RASSF3: variants seen among roughly 807,000 people sequenced by gnomAD.
The protein encoded by RASSF3 is Ras association domain family member 3, also known as ras association domain-containing protein 3.
In RASSF3, 19 loss-of-function variants were observed where a neutral mutation model predicts 19.9. That is an observed-to-expected ratio of 0.96 (90% CI 0.67 to 1.40). The LOEUF is 1.40. Ranked by LOEUF, RASSF3 falls within the 40% of genes most tolerant of loss-of-function variation. The pLI is 0.00. For synonymous variants in RASSF3, 110 were observed against 104.2 expected, an observed-to-expected ratio of 1.06 and a Z score of -0.34; for missense variants, 306 against 289.8, an observed-to-expected ratio of 1.06 and a Z score of -0.41.
At chr12:64,636,471 G>C (rs560858959) in intron 1 of RASSF3, among the ~76,000 whole-genome samples, 1 of 152,222 alleles carries the variant, frequency 6.6e-6, no homozygotes, top group Non-Finnish European at 1.5e-5. Context: ...ATTTGTTTCA[G>C]GGAGTGGTAA....
chr12:64,660,928 A>C (rs577857299), intron 1 of RASSF3, among the ~76,000 whole-genome samples: 47 of 152,158 alleles, frequency 3.1e-4, no homozygotes, highest in African/African-American at 1.1e-3. Context: ...GGAGCACACG[A>C]GCTTTCCTCC....
chr12:64,644,425 G>T (rs1435430465), intron 1 of RASSF3, among the ~76,000 whole-genome samples: 1 of 152,112 alleles, frequency 6.6e-6, no homozygotes, highest in Non-Finnish European at 1.5e-5. Context: ...TCCAGGCAAG[G>T]TGGCTCATGT....
At chr12:64,552,743 A>G (rs1453744340) in intron 2 of RASSF3, among the ~76,000 whole-genome samples, 5 of 152,130 alleles carry the variant, frequency 3.3e-5, no homozygotes, top group Non-Finnish European at 7.4e-5. Flanking sequence ...TCCATAGTGT[A>G]TATGTACCAC....
intron 1 of RASSF3, among the ~76,000 whole-genome samples, chr12:64,655,585 T>C (rs1872128488): frequency 6.6e-6 from 1 of 152,066 alleles, no homozygotes; most frequent in Non-Finnish European, 1.5e-5. Context: ...ATTATTGGGA[T>C]TACAGGTGTG....
At chr12:64,657,405 C>T (rs1872198173) in intron 1 of RASSF3, among the ~76,000 whole-genome samples, 1 of 152,174 alleles carries the variant, frequency 6.6e-6, no homozygotes, top group South Asian at 2.1e-4. Context: ...TAACTATATA[C>T]TGAAAAATGA....
chr12:64,684,211 A>G (rs1197227195), intron 1 of RASSF3, among the ~76,000 whole-genome samples: 1 of 150,354 alleles, frequency 6.7e-6, no homozygotes, highest in Non-Finnish European at 1.5e-5. Flanking sequence ...TCAGCCTCCT[A>G]ACTAGCTGCG....
chr12:64,596,043 A>G (rs1869994920), intron 2 of RASSF3, among the ~76,000 whole-genome samples: 1 of 152,214 alleles, frequency 6.6e-6, no homozygotes, highest in Non-Finnish European at 1.5e-5. Context: ...TCCTGCCCCA[A>G]ACCCAGAAGG....
At chr12:64,515,984 C>T (rs1231647602) in intron 1 of RASSF3, among the ~76,000 whole-genome samples, 1 of 152,038 alleles carries the variant, frequency 6.6e-6, no homozygotes, top group African/African-American at 2.4e-5. Flanking sequence ...ATGTAATTCA[C>T]CATATCAATG....
chr12:64,653,805 C>G (rs1872049661), intron 1 of RASSF3, among the ~76,000 whole-genome samples: 2 of 152,150 alleles, frequency 1.3e-5, no homozygotes. Flanking sequence ...GCCTTGGCCT[C>G]CCAAAGTGCT....
At chr12:64,686,134 T>G (rs915830116) in intron 2 of RASSF3, among the ~76,000 whole-genome samples, 2 of 151,886 alleles carry the variant, frequency 1.3e-5, no homozygotes, top group Admixed American at 6.6e-5. Context: ...GCAGCAAGAT[T>G]TCTTTTTCAA....
At chr12:64,554,660 A>G (rs1434762764) in intron 2 of RASSF3, among the ~76,000 whole-genome samples, 5 of 152,162 alleles carry the variant, frequency 3.3e-5, no homozygotes, top group African/African-American at 1.2e-4. Flanking sequence ...AGTACAGACA[A>G]TTCTTTCAAG....
intron 2 of RASSF3, among the ~76,000 whole-genome samples, chr12:64,572,139 A>G (rs577683838): frequency 1.4e-4 from 21 of 152,110 alleles, no homozygotes; most frequent in African/African-American, 5.1e-4. Flanking sequence ...GTGATTATTT[A>G]TGTCTTCTTA....
At chr12:64,507,495 AAAAT>A in intron 1 of RASSF3, 1 of 389,992 alleles carries the variant, frequency 2.6e-6, no homozygotes, top group Non-Finnish European at 4.5e-6. Flanking sequence ...AAATTGAGAG[AAAAT>A]AAAATTAAGC....
intron 2 of RASSF3, among the ~76,000 whole-genome samples, chr12:64,575,498 C>A (rs1869581126): frequency 6.6e-6 from 1 of 152,150 alleles, no homozygotes; most frequent in Admixed American, 6.6e-5. Context: ...GGCTGTAATG[C>A]AGTATAAGCG....
intron 1 of RASSF3, 79 bp downstream of exon 1, chr12:64,610,822 C>T (rs1209472457): frequency 1.2e-6 from 1 of 831,770 alleles, no homozygotes; most frequent in Non-Finnish European, 1.8e-6. Context: ...CCTGCCTCCA[C>T]GTGTCTCTGC....
chr12:64,675,049 C>G (rs1872837673), intron 1 of RASSF3, among the ~76,000 whole-genome samples: 1 of 115,594 alleles, frequency 8.7e-6, no homozygotes, highest in African/African-American at 3.4e-5. Context: ...CACCTAGCCC[C>G]CCCCCCCCCC....
At chr12:64,676,934 A>C (rs755260005) in intron 1 of RASSF3, among the ~76,000 whole-genome samples, 6 of 151,638 alleles carry the variant, frequency 4.0e-5, no homozygotes, top group Non-Finnish European at 7.4e-5. Context: ...ATGCCCAGCT[A>C]ATTTTCTATT....
At chr12:64,688,506 G>T in intron 3 of RASSF3, 53 bp downstream of exon 3, 2 of 1,258,910 alleles carry the variant, frequency 1.6e-6, no homozygotes, top group Non-Finnish European at 1.2e-6. Flanking sequence ...TGCATCTGCT[G>T]TTCTCATTAG....
chr12:64,566,235 A>G (rs532013919), intron 2 of RASSF3, among the ~76,000 whole-genome samples: 5 of 152,330 alleles, frequency 3.3e-5, no homozygotes, highest in African/African-American at 9.6e-5. Context: ...TCTATTTAGA[A>G]TAAGAGAGGA....
Sources: gnomAD v4.1 joint callset for allele counts (sites outside exome capture counted in the v4.1 genomes callset) on GRCh38, gnomAD v4.1.1 for gene constraint, MANE v1.5 for transcripts, NCBI Gene and HGNC (gene_info 2026-07-23, HGNC 2026-07-21) for gene names.